Variants in NSRP1 observed in about 807,000 individuals in gnomAD.
The protein encoded by NSRP1 is coiled-coil domain containing 55.
NSRP1 carries 24 observed loss-of-function variants against 54.7 expected under a neutral mutation model. The observed-to-expected ratio is 0.44, with a 90% CI of 0.32 to 0.62. The LOEUF (loss-of-function observed/expected upper bound fraction) is 0.62, where lower values mean the gene tolerates loss of function less well. Ranked by LOEUF, NSRP1 falls within the 20% of genes least tolerant of loss-of-function variation. The pLI is 0.06. For missense variants in NSRP1, 596 were observed against 651.2 expected (o/e 0.92, Z 0.92); for synonymous variants, 210 against 213.8 (o/e 0.98, Z 0.15).
intron 2 of NSRP1, among the ~76,000 whole-genome samples, chr17:30,140,405 G>A (rs1355676474): frequency 6.6e-6 from 1 of 151,484 alleles, no homozygotes; most frequent in African/African-American, 2.4e-5. Context: ...CAAAATATTT[G>A]TGAACCTCTG....
chr17:30,126,186 T>C (rs2071647920), intron 2 of NSRP1: 1 of 152,328 alleles, frequency 6.6e-6, no homozygotes, highest in Admixed American at 6.5e-5. Context: ...GTAATTATAT[T>C]TAAAATCTAA....
intron 3 of NSRP1, among the ~76,000 whole-genome samples, chr17:30,174,768 C>CT (rs1222422150): frequency 6.6e-6 from 1 of 152,166 alleles, no homozygotes; most frequent in Non-Finnish European, 1.5e-5. Context: ...GTAAAGTCAG[C>CT]TTAACTTTAG....
intron 2 of NSRP1, among the ~76,000 whole-genome samples, chr17:30,144,342 C>T (rs1002991604): frequency 1.3e-5 from 2 of 151,300 alleles, no homozygotes; most frequent in African/African-American, 4.9e-5. Flanking sequence ...CCCTCTGCAA[C>T]CTCTGCCTCC....
At chr17:30,159,542 GT>G (rs1300684140) in intron 2 of NSRP1, among the ~76,000 whole-genome samples, 5 of 152,152 alleles carry the variant, frequency 3.3e-5, no homozygotes, top group African/African-American at 1.2e-4. Context: ...TCCTTGTCTA[GT>G]TCCAGTTCTT....
At chr17:30,136,548 G>A (rs541269651) in intron 2 of NSRP1, among the ~76,000 whole-genome samples, 5 of 151,950 alleles carry the variant, frequency 3.3e-5, no homozygotes, top group South Asian at 2.1e-4. Context: ...ATGCTTTCTT[G>A]GTGTTACCAG....
rs184656885 is a variant in NSRP1, at chr17:30,181,299, G to A, written c.617+283G>A. Among the ~76,000 whole-genome samples, 6 of 152,052 alleles carry A rather than the reference G, an allele frequency of 3.9e-5. No individual in the cohort carries two copies. The East Asian group carries it at 9.7e-4, about 24-fold the overall frequency. On this transcript the variant is annotated intron_variant, in intron 6 of 6. Coordinates refer to ENST00000247026, the MANE Select transcript of NSRP1 (RefSeq NM_032141.4). The stretch of plus-strand genomic sequence containing the variant: ...GTAAAACCAAAGACAGACTTTTAAT[G>A]TATAAAGTTTCTGAATTTTTAAGTG...
intron 2 of NSRP1, among the ~76,000 whole-genome samples, chr17:30,162,024 CTTTT>C: frequency 7.8e-6 from 1 of 127,584 alleles, no homozygotes; most frequent in Admixed American, 7.9e-5. Flanking sequence ...ATAGCCATGT[CTTTT>C]TTTTTTTTTT....
chr17:30,180,609 T>C (rs1905261034), intron 5 of NSRP1, among the ~76,000 whole-genome samples: 1 of 152,252 alleles, frequency 6.6e-6, no homozygotes, highest in South Asian at 2.1e-4. Flanking sequence ...AATTCATATT[T>C]TGAATGCCAG....
rs571803476 is a variant in NSRP1 at position 30,145,305 on chromosome 17, G to A, written c.114+27132G>A. 6.6e-5 allele frequency among the ~76,000 whole-genome samples: 8 copies of A among 121,216 alleles called. No individual in the cohort carries two copies. In the South Asian group the frequency reaches 1.7e-3, roughly 25 times the overall value. 79.5% of individuals were successfully genotyped at this position (121,216 alleles called of 152,430 possible). ...GTATATAAATTATTGCACTAAGGCCGGGCGCAGTGGCTCACACCTCTCTAA... is the reference window on the plus strand; with the variant it reads ...GTATATAAATTATTGCACTAAGGCCAGGCGCAGTGGCTCACACCTCTCTAA... On this transcript the variant is annotated intron_variant, in intron 2 of 6. Transcript: ENST00000247026.
chr17:30,153,387 A>C (rs901570362), intron 2 of NSRP1, among the ~76,000 whole-genome samples: 1 of 151,870 alleles, frequency 6.6e-6, no homozygotes, highest in East Asian at 1.9e-4. Flanking sequence ...ATTGTGTTTC[A>C]GTTAAAATTT....
chr17:30,184,737 A>T lies in NSRP1; in HGVS notation c.740A>T (p.Asp247Val). Residue 247 changes from aspartate (D) to valine (V), a missense_variant, in exon 7 of 7, where the codon GAC (aspartate) becomes GTC (valine). Transcript: ENST00000247026. ...AAAGTAGAGGAAAACCCAGATGCAG[A>T]CAGTGACTTCGATGCTAAGAGCAGT... Reference protein sequence around the residue: ...DVKVEENPDADSDFDAKSSAD... With the variant: ...DVKVEENPDAVSDFDAKSSAD... 6.2e-7 allele frequency: 1 copy of T among 1,614,182 alleles called. No individual in the cohort carries two copies. Among genetic ancestry groups the T allele is most frequent in the Admixed American group, 1.7e-5 (1 of 60,022 alleles).
chr17:30,171,976 C>CCCCT (rs1904959777), intron 2 of NSRP1, among the ~76,000 whole-genome samples: 3 of 80,350 alleles, frequency 3.7e-5, no homozygotes, highest in African/African-American at 8.2e-5. Context: ...ACACACACTC[C>CCCCT]CTCTCTCTCT....
Position 30,167,836 on chromosome 17 carries a change from TA to T in NSRP1, c.115-4704del, listed in dbSNP as rs35077339. 8.5e-3 allele frequency among the ~76,000 whole-genome samples: 1,294 copies of T among 152,344 alleles called. 54 individuals carry two copies. Among genetic ancestry groups the T allele is most frequent in the Admixed American group, 0.067 (1,024 of 15,294 alleles). Reference sequence around the variant, plus strand: ...AATAGACTCGTTTTTCCTTTAATGTTAATAACATTCTGTGTTTTCATTTTAT... The same window carrying T: ...AATAGACTCGTTTTTCCTTTAATGTTATAACATTCTGTGTTTTCATTTTAT... On this transcript the variant is annotated intron_variant, in intron 2 of 6. Transcript: ENST00000247026.
chr17:30,171,983 CT>C (rs1567804421), intron 2 of NSRP1, among the ~76,000 whole-genome samples: 3 of 105,218 alleles, frequency 2.9e-5, no homozygotes, highest in Admixed American at 1.1e-4. Context: ...CTCCCTCTCT[CT>C]CTCTCTCTCT....
rs1038307875 is a variant in NSRP1 at position 30,169,750 on chromosome 17, C to T, written c.115-2792C>T. On this transcript the variant is annotated intron_variant, in intron 2 of 6. Coordinates refer to ENST00000247026, the MANE Select transcript of NSRP1 (RefSeq NM_032141.4). ...TAAAATGTCTTTAGTTCTTTGCATA[C>T]TTATTTAATTTTTTAAATATGTATT... Among the ~76,000 whole-genome samples, 3 of 151,518 alleles carry T rather than the reference C, an allele frequency of 2.0e-5. No individual in the cohort carries two copies. The East Asian group carries it at 5.8e-4, about 29-fold the overall frequency.
chr17:30,172,414 C>G (rs1904984227), intron 2 of NSRP1, 128 bp from the exon 3 acceptor site: 2 of 581,210 alleles, frequency 3.4e-6, no homozygotes, highest in South Asian at 6.0e-5. Context: ...GGTGCTGAAC[C>G]AGTAAGTATT....
At chr17:30,161,930 C>T (rs915404437) in intron 2 of NSRP1, among the ~76,000 whole-genome samples, 1 of 151,854 alleles carries the variant, frequency 6.6e-6, no homozygotes, top group Non-Finnish European at 1.5e-5. Context: ...TTTTTATTTT[C>T]ACCTCTTTAG....
At chr17:30,128,026 A>C in intron 2 of NSRP1, 1 of 390,256 alleles carries the variant, frequency 2.6e-6, no homozygotes, top group East Asian at 3.6e-5. Flanking sequence ...TTTTGTAGAG[A>C]CAGAGTCTCA....
chr17:30,157,059 A>C (rs1904336256), intron 2 of NSRP1, among the ~76,000 whole-genome samples: 1 of 152,084 alleles, frequency 6.6e-6, no homozygotes, highest in South Asian at 2.1e-4. Context: ...TTTTTTGAAA[A>C]ATCTCCATAC....
Sources: allele counts gnomAD v4.1 joint callset (sites outside exome capture counted in the v4.1 genomes callset), GRCh38; gene constraint gnomAD v4.1.1; transcripts MANE v1.5; gene names NCBI Gene and HGNC (gene_info 2026-07-23, HGNC 2026-07-21).